The following CLPX variants were observed in gnomAD, a reference collection of about 807,000 sequenced individuals.
CLPX encodes the protein ATP-dependent clpX-like chaperone, mitochondrial.
In CLPX, 34 loss-of-function variants were observed where a neutral mutation model predicts 76.4. That is an observed-to-expected ratio of 0.45 (90% CI 0.34 to 0.59). The LOEUF is 0.59. Among genes scored for constraint, CLPX ranks in the 20% least tolerant of loss-of-function variants. The probability of loss-of-function intolerance (pLI) is 0.01; values close to 1 mark genes in which losing one functional copy is unlikely to be tolerated. For missense variants in CLPX, 613 were observed against 757.0 expected, an observed-to-expected ratio of 0.81 and a Z score of 2.23; for synonymous variants, 248 against 270.9, an observed-to-expected ratio of 0.92 and a Z score of 0.83.
At chr15:65,157,615 T>C (rs1188194635) in intron 8 of CLPX, 131 bp downstream of exon 8, 3 of 885,750 alleles carry the variant, frequency 3.4e-6, no homozygotes, top group Non-Finnish European at 5.0e-6. Flanking sequence ...CTAGAAATTA[T>C]GTAACAAAGG....
rs1180673597 is a variant in CLPX at position 65,164,203 on chromosome 15, G to A, written c.514-15C>T. 1.9e-6 allele frequency: 3 copies of A among 1,586,982 alleles called. No individual in the cohort carries two copies. Among genetic ancestry groups the A allele is most frequent in the South Asian group, 1.1e-5 (1 of 87,520 alleles). On this transcript the variant is annotated splice_polypyrimidine_tract_variant and intron_variant, in intron 4 of 13. Coordinates refer to ENST00000300107, the MANE Select transcript of CLPX (RefSeq NM_006660.5). ...TAGTTATAAATCTGAAAAATGATTA[G>A]GTATGAATAATTTAATATGAGCTAT...
chr15:65,178,837 T>A, intron 3 of CLPX, 97 bp downstream of exon 3: 1 of 642,628 alleles, frequency 1.6e-6, no homozygotes, highest in Non-Finnish European at 2.6e-6. Flanking sequence ...GCACCTGGCC[T>A]ATATTTATAC....
intron 13 of CLPX, among the ~76,000 whole-genome samples, chr15:65,151,390 A>T (rs2087718011): frequency 6.7e-6 from 1 of 148,358 alleles, no homozygotes; most frequent in African/African-American, 2.5e-5. Flanking sequence ...TATGGGAAAC[A>T]GACTATACAA....
intron 10 of CLPX, 78 bp downstream of exon 10, chr15:65,155,614 G>A (rs528547469): frequency 1.2e-5 from 14 of 1,188,626 alleles, no homozygotes; most frequent in African/African-American, 4.6e-5. Flanking sequence ...CTGGTAGCCC[G>A]CAGATATGAG....
In CLPX at chr15:65,150,919, A is replaced by G. The variant is rs1423576692; in HGVS notation, c.1812-6T>C. The G allele has an allele frequency of 4.4e-6, 7 of 1,578,292 alleles. No homozygotes were observed. Among genetic ancestry groups the G allele is most frequent in the Non-Finnish European group, 5.2e-6 (6 of 1,158,860 alleles). ...AGGATTCTTTTGTTGGAGCCCTACA[A>G]TGAAAAGCCATGTTTGTTTTTTTAA... On this transcript the variant is annotated splice_region_variant and splice_polypyrimidine_tract_variant and intron_variant, in intron 13 of 13. Coordinates refer to ENST00000300107, the MANE Select transcript of CLPX (RefSeq NM_006660.5).
At chr15:65,170,819 CTTCTTTTTTT>C (rs1422451882) in intron 3 of CLPX, among the ~76,000 whole-genome samples, 1 of 84,860 alleles carries the variant, frequency 1.2e-5, no homozygotes, top group Non-Finnish European at 2.6e-5. Flanking sequence ...TGTTTCTGTT[CTTCTTTTTTT>C]TTTTTTTTTT....
chr15:65,156,461 C>T (rs1484228273), intron 9 of CLPX, among the ~76,000 whole-genome samples: 1 of 152,012 alleles, frequency 6.6e-6, no homozygotes, highest in African/African-American at 2.4e-5. Context: ...AGGAATTAAA[C>T]ATTATTTTAT....
chr15:65,166,836 A>G (rs1027694373), intron 3 of CLPX, 51 bp from the exon 4 acceptor site: 2 of 1,560,478 alleles, frequency 1.3e-6, no homozygotes, highest in African/African-American at 1.4e-5. Flanking sequence ...TAATTCCAAT[A>G]GTGTTTAACC....
chr15:65,176,729 G>C (rs2088095990), intron 3 of CLPX, among the ~76,000 whole-genome samples: 1 of 151,216 alleles, frequency 6.6e-6, no homozygotes, highest in African/African-American at 2.4e-5. Context: ...CTGAGTAGTT[G>C]GGATTACAGG....
chr15:65,179,116 T>C (rs537409335), intron 2 of CLPX, 65 bp from the exon 3 acceptor site: 34 of 833,024 alleles, frequency 4.1e-5, no homozygotes, highest in Admixed American at 5.8e-5. Flanking sequence ...CCAACTTAAA[T>C]GTAAACAATA....
At chr15:65,157,329 C>T (rs1226481101) in intron 8 of CLPX, among the ~76,000 whole-genome samples, 3 of 152,174 alleles carry the variant, frequency 2.0e-5, no homozygotes, top group African/African-American at 4.8e-5. Context: ...TTCACGTGAA[C>T]AAGAACAGAT....
intron 1 of CLPX, among the ~76,000 whole-genome samples, chr15:65,184,089 A>G (rs184391270): frequency 6.6e-6 from 1 of 152,372 alleles, no homozygotes; most frequent in African/African-American, 2.4e-5. Context: ...TATATTTAGT[A>G]AACAATAAGG....
intron 9 of CLPX, 72 bp downstream of exon 9, chr15:65,156,772 A>C: frequency 1.1e-6 from 1 of 920,666 alleles, no homozygotes; most frequent in Non-Finnish European, 1.8e-6. Context: ...GTGAAACCAA[A>C]CGTACAATAT....
chr15:65,174,234 A>C (rs1213888063), intron 3 of CLPX, among the ~76,000 whole-genome samples: 1 of 150,134 alleles, frequency 6.7e-6, no homozygotes, highest in Admixed American at 6.7e-5. Flanking sequence ...TGGCCTCCCA[A>C]AGTGCTGGGA....
At position 65,185,146 on chromosome 15, in the gene CLPX, C is replaced by A; in HGVS notation, c.8G>T (p.Ser3Ile). ...CGCGCCGCAAGTACAAGCACCGCAG[C>A]TGGGCATCTCCGCGAGGCCTAGGCC... MP[S>I]CGACTCGAAA... Residue 3 changes from serine (S) to isoleucine (I), a missense_variant, in exon 1 of 14, where the codon AGC (serine) becomes ATC (isoleucine). Coordinates refer to ENST00000300107, the MANE Select transcript of CLPX (RefSeq NM_006660.5). The A allele has an allele frequency of 6.4e-7, 1 of 1,568,558 alleles. No homozygotes were observed. The highest frequency in any genetic ancestry group is 8.6e-7 in the Non-Finnish European group (1 of 1,156,704).
chr15:65,180,955 T>C (rs1002027314), intron 1 of CLPX, among the ~76,000 whole-genome samples: 5 of 151,036 alleles, frequency 3.3e-5, no homozygotes, highest in Non-Finnish European at 7.4e-5. Context: ...AAATGTTCTT[T>C]AAGGTCAGGC....
At chr15:65,177,354 C>T (rs1040297636) in intron 3 of CLPX, among the ~76,000 whole-genome samples, 4 of 152,166 alleles carry the variant, frequency 2.6e-5, no homozygotes, top group African/African-American at 9.7e-5. Flanking sequence ...CTGGTGTGAG[C>T]CACAGCGCCT....
At chr15:65,166,157 C>T (rs960558470) in intron 4 of CLPX, among the ~76,000 whole-genome samples, 7 of 152,138 alleles carry the variant, frequency 4.6e-5, no homozygotes, top group Non-Finnish European at 8.8e-5. Flanking sequence ...AGCAGCCCGG[C>T]ACACTGGCTA....
chr15:65,174,272 C>CACAACTTGGTAAATA, intron 3 of CLPX, among the ~76,000 whole-genome samples: 2 of 140,224 alleles, frequency 1.4e-5, no homozygotes, highest in South Asian at 2.3e-4. Flanking sequence ...CATGCCTGGC[C>CACAACTTGGTAAATA]TCTTTTTTTT....
Sources: gnomAD v4.1 joint callset for allele counts (sites outside exome capture counted in the v4.1 genomes callset) on GRCh38, gnomAD v4.1.1 for gene constraint, MANE v1.5 for transcripts, NCBI Gene and HGNC (gene_info 2026-07-23, HGNC 2026-07-21) for gene names.